CUBN: variants seen among roughly 807,000 people sequenced by gnomAD.
The protein encoded by CUBN is 460 kDa receptor.
In CUBN, 282 loss-of-function variants were observed where a neutral mutation model predicts 405.3. The observed-to-expected ratio is 0.70, with a 90% confidence interval of 0.63 to 0.77. The LOEUF is 0.77. Ranked by LOEUF, CUBN falls within the 30% of genes least tolerant of loss-of-function variation. The pLI is 0.00. For missense variants in CUBN, 4,514 were observed against 4,475.2 expected, an observed-to-expected ratio of 1.01 and a Z score of -0.25; for synonymous variants, 1,684 against 1,617.0, an observed-to-expected ratio of 1.04 and a Z score of -0.99.
At position 17,045,184 on chromosome 10, in the gene CUBN, G is replaced by T; in HGVS notation, c.3495C>A (p.Cys1165Ter). The T allele has an allele frequency of 6.2e-7, 1 of 1,613,298 alleles. No individual in the cohort carries two copies. The highest frequency in any genetic ancestry group is 8.5e-7 in the Non-Finnish European group (1 of 1,179,752). Reference protein sequence around the residue: ...SAYWDGSSTGCGGNLTTSSGT... With the variant: ...SAYWDGSSTG Reference sequence around the variant, plus strand: ...CGCTTGAAGTGGTGAGATTACCCCCGCAACCTACAGGAGAAAGAAGTGGAA... The same window carrying T: ...CGCTTGAAGTGGTGAGATTACCCCCTCAACCTACAGGAGAAAGAAGTGGAA... The change falls in exon 25 of 67, where the codon TGC becomes TGA. Residue 1165 changes from cysteine to a stop codon, truncating the protein, a stop_gained. Transcript: ENST00000377833. LOFTEE classifies it high-confidence loss of function.
chr10:17,045,949 C>T lies in CUBN; in HGVS notation c.3475G>A (p.Asp1159Asn). The part of the protein sequence containing the change: ...DTRSGFSAYW[D>N]GSSTGCGGNL... ...TGCTATTTACCTGTTGATGACCCAT[C>T]CCAGTAAGCTGAGAATCCAGACCTT... Residue 1159 changes from aspartate to asparagine, a missense_variant, in exon 24 of 67, where the codon GAT (aspartate) becomes AAT (asparagine). By Grantham distance (23) the Asp-to-Asn change is conservative. Around this residue, in one of 5 missense-constraint regions of CUBN, gnomAD observed 242 missense variants for 309.0 expected, o/e 0.78. Coordinates refer to ENST00000377833, the MANE Select transcript of CUBN (RefSeq NM_001081.4). The T allele has an allele frequency of 6.2e-7, 1 of 1,613,902 alleles. No individual in the cohort carries two copies. Among genetic ancestry groups the T allele is most frequent in the Non-Finnish European group, 8.5e-7 (1 of 1,179,928 alleles).
intron 29 of CUBN, among the ~76,000 whole-genome samples, chr10:16,985,506 G>A (rs1053857886): frequency 6.6e-6 from 1 of 152,172 alleles, no homozygotes; most frequent in Non-Finnish European, 1.5e-5. Context: ...GATTCTTCCT[G>A]GATGCCAGAC....
At chr10:16,915,323 A>G in intron 46 of CUBN, 151 bp from the exon 47 acceptor site, 1 of 911,240 alleles carries the variant, frequency 1.1e-6, no homozygotes, top group Non-Finnish European at 1.7e-6. Context: ...ACAGGAAAAC[A>G]TGAATAAAAA....
chr10:16,875,985 G>C (rs928282887), intron 57 of CUBN, among the ~76,000 whole-genome samples: 1 of 152,204 alleles, frequency 6.6e-6, no homozygotes, highest in African/African-American at 2.4e-5. Context: ...GCCATATGTA[G>C]TCATACTTTA....
intron 62 of CUBN, among the ~76,000 whole-genome samples, chr10:16,837,447 C>T (rs1163442446): frequency 7.9e-5 from 12 of 152,150 alleles, no homozygotes; most frequent in African/African-American, 2.9e-4. Context: ...TTACTTTTCT[C>T]CCAGTTACTT....
intron 40 of CUBN, among the ~76,000 whole-genome samples, chr10:16,931,106 A>C (rs1046548893): frequency 1.3e-5 from 2 of 151,908 alleles, no homozygotes; most frequent in Non-Finnish European, 1.5e-5. Context: ...AATACAAAAA[A>C]AAAAAAAATT....
intron 56 of CUBN, among the ~76,000 whole-genome samples, chr10:16,878,016 G>A (rs1404320056): frequency 1.3e-5 from 2 of 152,210 alleles, no homozygotes; most frequent in African/African-American, 4.8e-5. Context: ...GGCCAGACAT[G>A]GTGGCTCACG....
At chr10:17,006,310 C>A (rs1463757875) in intron 28 of CUBN, among the ~76,000 whole-genome samples, 1 of 152,156 alleles carries the variant, frequency 6.6e-6, no homozygotes, top group Non-Finnish European at 1.5e-5. Flanking sequence ...ACATGATTCA[C>A]AGTTGTAGCT....
intron 8 of CUBN, 101 bp from the exon 9 acceptor site, chr10:17,111,151 C>T (rs963687243): frequency 7.5e-7 from 1 of 1,327,596 alleles, no homozygotes; most frequent in Non-Finnish European, 1.1e-6. Context: ...ACCTAAGGAA[C>T]TATAAAATAA....
chr10:16,883,240 G>A (rs1185873600), intron 56 of CUBN, among the ~76,000 whole-genome samples: 1 of 152,184 alleles, frequency 6.6e-6, no homozygotes, highest in Admixed American at 6.5e-5. Flanking sequence ...ATTCAGAGGA[G>A]GGGGAAGCAT....
chr10:17,019,946 C>G lies in CUBN; in HGVS notation c.4055G>C (p.Gly1352Ala). The change falls in exon 28 of 67, where the codon GGA (glycine) becomes GCA (alanine). Residue 1352 changes from glycine to alanine, a missense_variant. Coordinates refer to ENST00000377833, the MANE Select transcript of CUBN (RefSeq NM_001081.4). The part of the protein sequence containing the change: ...DGPRQMGRYC[G>A]VDLPPPGSTT... ...ACTCCCTGGAGGGGGCAGGTCTACTCCACAGTAGCGTCCCATCTGCCGTGG... is the reference window on the plus strand; with the variant it reads ...ACTCCCTGGAGGGGGCAGGTCTACTGCACAGTAGCGTCCCATCTGCCGTGG... The G allele has an allele frequency of 6.2e-7, 1 of 1,614,066 alleles. No individual in the cohort carries two copies. The highest frequency in any genetic ancestry group is 8.5e-7 in the Non-Finnish European group (1 of 1,179,952).
intron 22 of CUBN, among the ~76,000 whole-genome samples, chr10:17,050,663 T>C (rs1455291996): frequency 6.6e-6 from 1 of 152,116 alleles, no homozygotes. Flanking sequence ...CATTCCAGAA[T>C]GGGGATACCT....
At chr10:16,873,212 T>A (rs1840408902) in intron 58 of CUBN, among the ~76,000 whole-genome samples, 1 of 152,158 alleles carries the variant, frequency 6.6e-6, no homozygotes, top group South Asian at 2.1e-4. Flanking sequence ...TCCCACCACA[T>A]GCCATACGTA....
In CUBN at chr10:16,824,990, T is replaced by G; in HGVS notation, c.10857A>C (p.Leu3619Phe). The change falls in exon 67 of 67, where the codon TTA becomes TTC. Residue 3619 changes from leucine to phenylalanine, a missense_variant. Transcript: ENST00000377833. ...TGTTACCCACTTAGCTGTCCCAAGT[T>G]AATCGGAATGCGGATGGACGCCGTG... ...DYARRPSAFR[L>F]TWDS 6.2e-7 allele frequency: 1 copy of G among 1,613,764 alleles called. No individual in the cohort carries two copies. The highest frequency in any genetic ancestry group is 8.5e-7 in the Non-Finnish European group (1 of 1,179,742).
In CUBN at chr10:16,913,991, C is replaced by A. The variant is rs1841809350; in HGVS notation, c.7353G>T (p.Glu2451Asp). Reference protein sequence around the residue: ...FRLRFESSMEECGGDLQGSIG... With the variant: ...FRLRFESSMEDCGGDLQGSIG... ...TAGAGCCCTGAAGATCCCCACCACA[C>A]TCTGACGTGGGGAAAAAGCCAAGAA... Residue 2451 changes from glutamate to aspartate, a missense_variant and splice_region_variant, in exon 48 of 67, where the codon GAG becomes GAT. Physicochemically the swap from Glu to Asp is conservative, Grantham distance 45. Around this residue, in one of 5 missense-constraint regions of CUBN, gnomAD observed 1,613 missense variants for 1,542.8 expected, o/e 1.05. Coordinates refer to ENST00000377833, the MANE Select transcript of CUBN (RefSeq NM_001081.4). 2 of 1,613,940 alleles carry A rather than the reference C, an allele frequency of 1.2e-6. No homozygotes were observed. The highest frequency in any genetic ancestry group is 1.7e-6 in the Non-Finnish European group (2 of 1,179,960).
chr10:16,903,888 A>C (rs1044377378), intron 51 of CUBN, 78 bp downstream of exon 51: 386 of 1,049,086 alleles, frequency 3.7e-4, no homozygotes, highest in Non-Finnish European at 5.1e-4. Context: ...ATCTAACAAA[A>C]TATATATGAA....
chr10:17,046,266 A>T (rs1835130095), intron 23 of CUBN, among the ~76,000 whole-genome samples, 172 bp from the exon 24 acceptor site: 1 of 152,148 alleles, frequency 6.6e-6, no homozygotes, highest in South Asian at 2.1e-4. Context: ...TTAAATTTTT[A>T]AAAATCATAT....
At chr10:16,962,546 T>C (rs1843261285) in intron 31 of CUBN, among the ~76,000 whole-genome samples, 1 of 152,130 alleles carries the variant, frequency 6.6e-6, no homozygotes, top group Non-Finnish European at 1.5e-5. Context: ...GCGTATGGGA[T>C]AGACCTCGTG....
intron 48 of CUBN, among the ~76,000 whole-genome samples, chr10:16,909,460 C>T (rs1199560784): frequency 1.3e-5 from 2 of 152,120 alleles, no homozygotes; most frequent in Non-Finnish European, 2.9e-5. Flanking sequence ...TCAAACCATC[C>T]CTCTGATTCC....
Sources: gnomAD v4.1 joint callset for allele counts (sites outside exome capture counted in the v4.1 genomes callset) on GRCh38, gnomAD v4.1.1 for gene constraint, gnomAD v4.1.1 regional missense constraint, MANE v1.5 for transcripts, NCBI Gene and HGNC (gene_info 2026-07-23, HGNC 2026-07-21) for gene names.